The following CABCOCO1 variants were observed in gnomAD, a reference collection of about 807,000 sequenced individuals.
CABCOCO1 encodes ciliary-associated calcium-binding coiled-coil protein 1.
Under a neutral mutation model 35.7 loss-of-function variants are expected in CABCOCO1, and 28 were observed. That is an observed-to-expected ratio of 0.78 (90% confidence interval 0.58 to 1.07). CABCOCO1 has a LOEUF of 1.07. CABCOCO1 is among the 50% of genes least tolerant of loss of function. CABCOCO1 has a pLI of 0.00. For missense variants in CABCOCO1, 326 were observed against 309.2 expected (o/e 1.05, Z -0.41); for synonymous variants, 95 against 100.1 (o/e 0.95, Z 0.30).
intron 5 of CABCOCO1, among the ~76,000 whole-genome samples, chr10:61,716,794 T>C (rs1190245719): frequency 6.6e-6 from 1 of 152,162 alleles, no homozygotes; most frequent in Non-Finnish European, 1.5e-5. Flanking sequence ...GCCTTGCAAA[T>C]ATGAGATGCT....
At chr10:61,713,669 T>A (rs1840787721) in intron 5 of CABCOCO1, among the ~76,000 whole-genome samples, 1 of 152,224 alleles carries the variant, frequency 6.6e-6, no homozygotes, top group South Asian at 2.1e-4. Context: ...GCTCTTATTA[T>A]TTTGAGATAC....
intron 5 of CABCOCO1, among the ~76,000 whole-genome samples, chr10:61,691,373 C>T (rs202100650): frequency 6.6e-6 from 1 of 152,130 alleles, no homozygotes; most frequent in East Asian, 1.9e-4. Context: ...CATAGGACAG[C>T]AGTTCTACAA....
chr10:61,719,766 A>G (rs931663474), intron 5 of CABCOCO1, among the ~76,000 whole-genome samples: 1 of 151,940 alleles, frequency 6.6e-6, no homozygotes, highest in South Asian at 2.1e-4. Context: ...ACAGAAATAC[A>G]AAAAATTAGC....
In CABCOCO1 at chr10:61,755,643, T is replaced by A. The variant is rs141191652; in HGVS notation, c.553-4416T>A. 4.8e-4 allele frequency among the ~76,000 whole-genome samples: 73 copies of A among 152,168 alleles called. 1 individual carries two copies. The highest frequency in any genetic ancestry group is 3.6e-3 in the Admixed American group (55 of 15,252). ...GGAAAGTTGTAATCTCAACTGCATA[T>A]TTAATATCTCAAAAAATGTAATAAT... On this transcript the variant is annotated intron_variant, in intron 5 of 7. Transcript: ENST00000648843.
In CABCOCO1 at chr10:61,692,123, G is replaced by A. The variant is rs140655278; in HGVS notation, c.552+1502G>A. Among the ~76,000 whole-genome samples, 391 of 152,178 alleles carry A rather than the reference G, an allele frequency of 2.6e-3. 3 individuals are homozygous for A. Among genetic ancestry groups the A allele is most frequent in the African/African-American group, 8.9e-3 (369 of 41,542 alleles). ...ACACTCCCACCAACACTGTAAAAGCGTTCCTGTTTCTCCACATCCTCTCCA... is the reference window on the plus strand; with the variant it reads ...ACACTCCCACCAACACTGTAAAAGCATTCCTGTTTCTCCACATCCTCTCCA... On this transcript the variant is annotated intron_variant, in intron 5 of 7. Transcript: ENST00000648843.
In CABCOCO1 at chr10:61,680,695, T is replaced by TATATGTTATACATGTATAAC. The variant is rs1554821590; in HGVS notation, c.165-444_165-443insGTTATACATGTATAACATAT. Among the ~76,000 whole-genome samples, 161 of 49,236 alleles carry TATATGTTATACATGTATAAC rather than the reference T, an allele frequency of 3.3e-3. 3 individuals carry two copies. Among genetic ancestry groups the TATATGTTATACATGTATAAC allele is most frequent in the East Asian group, 0.026 (9 of 350 alleles). 32.3% of individuals were successfully genotyped at this position (49,236 alleles called of 152,430 possible). The stretch of plus-strand genomic sequence containing the variant: ...ACATATATGTTATACATGTATAACA[T>TATATGTTATACATGTATAAC]ATATATGTTATACATGTATAACATA... On this transcript the variant is annotated intron_variant, in intron 2 of 7. Coordinates refer to ENST00000648843, the MANE Select transcript of CABCOCO1 (RefSeq NM_001366906.2).
At chr10:61,722,253 T>G (rs1841040666) in intron 5 of CABCOCO1, among the ~76,000 whole-genome samples, 1 of 152,196 alleles carries the variant, frequency 6.6e-6, no homozygotes, top group South Asian at 2.1e-4. Context: ...AAAATAAACC[T>G]CAATAAATTC....
chr10:61,694,458 T>G (rs986617245), intron 5 of CABCOCO1, among the ~76,000 whole-genome samples: 1 of 151,650 alleles, frequency 6.6e-6, no homozygotes, highest in African/African-American at 2.4e-5. Flanking sequence ...TTGGGATAAT[T>G]GGCTATGTGT....
At chr10:61,747,215 A>G (rs1181904596) in intron 5 of CABCOCO1, among the ~76,000 whole-genome samples, 6 of 149,726 alleles carry the variant, frequency 4.0e-5, no homozygotes, top group Admixed American at 4.0e-4. Flanking sequence ...AACAAAATAC[A>G]CTGCAAGGAA....
At chr10:61,752,019 G>A (rs1440019232) in intron 5 of CABCOCO1, among the ~76,000 whole-genome samples, 1 of 152,136 alleles carries the variant, frequency 6.6e-6, no homozygotes, top group Non-Finnish European at 1.5e-5. Flanking sequence ...AACATGTATT[G>A]CTATGTACAC....
intron 5 of CABCOCO1, among the ~76,000 whole-genome samples, chr10:61,729,674 C>T (rs1324613350): frequency 1.3e-5 from 2 of 152,108 alleles, no homozygotes; most frequent in Non-Finnish European, 2.9e-5. Flanking sequence ...CCTGTGTTCA[C>T]CACAGCACTA....
At chr10:61,716,066 T>C (rs1840857222) in intron 5 of CABCOCO1, among the ~76,000 whole-genome samples, 1 of 152,158 alleles carries the variant, frequency 6.6e-6, no homozygotes, top group Non-Finnish European at 1.5e-5. Context: ...TAAAATATTT[T>C]CCACAAGCCA....
chr10:61,718,530 A>C (rs10994897), intron 5 of CABCOCO1, among the ~76,000 whole-genome samples: 32,967 of 152,124 alleles, frequency 0.22, 4,239 homozygotes, highest in East Asian at 0.55. Flanking sequence ...TTCTTTAAAT[A>C]TGAAGCAAAG....
rs1031576439 is a variant in CABCOCO1 at position 61,720,691 on chromosome 10, G to GC, written c.552+30070_552+30071insC. ...GAAAGAAACACTACATCATGTGGTGGGGGGGCAGGTAATGAGGACAAAACC... is the reference window on the plus strand; with the variant it reads ...GAAAGAAACACTACATCATGTGGTGGCGGGGGCAGGTAATGAGGACAAAACC... On this transcript the variant is annotated intron_variant, in intron 5 of 7. Coordinates refer to ENST00000648843, the MANE Select transcript of CABCOCO1 (RefSeq NM_001366906.2). Among the ~76,000 whole-genome samples, 3 of 151,698 alleles carry GC rather than the reference G, an allele frequency of 2.0e-5. No individual in the cohort carries two copies. The South Asian group carries it at 6.3e-4, about 32-fold the overall frequency.
intron 5 of CABCOCO1, 120 bp downstream of exon 5, chr10:61,690,741 A>G (rs1840112996): frequency 7.0e-6 from 4 of 571,766 alleles, no homozygotes; most frequent in Middle Eastern, 5.7e-4. Context: ...TGTTAATATA[A>G]TCAACTCGTA....
At chr10:61,675,744 G>C (rs1013887567) in intron 2 of CABCOCO1, among the ~76,000 whole-genome samples, 2 of 151,532 alleles carry the variant, frequency 1.3e-5, no homozygotes, top group African/African-American at 4.8e-5. Flanking sequence ...AAAAAAACAT[G>C]GTAAAATATA....
intron 5 of CABCOCO1, among the ~76,000 whole-genome samples, chr10:61,710,253 AGT>A (rs55784501): frequency 0.046 from 6,791 of 146,540 alleles, 187 homozygotes; most frequent in Middle Eastern, 0.078. Context: ...TGTGTGTGTG[AGT>A]GTGTGTGTGT....
intron 7 of CABCOCO1, among the ~76,000 whole-genome samples, chr10:61,764,928 C>T (rs902160661): frequency 6.6e-6 from 1 of 152,102 alleles, no homozygotes; most frequent in African/African-American, 2.4e-5. Context: ...GTTATAGTTA[C>T]ACTCTTGTAA....
At chr10:61,761,408 C>G (rs544187384) in intron 7 of CABCOCO1, among the ~76,000 whole-genome samples, 2 of 152,202 alleles carry the variant, frequency 1.3e-5, no homozygotes, top group Non-Finnish European at 2.9e-5. Flanking sequence ...GATCTTTGAA[C>G]TGCCTCTCAG....
Sources: allele counts gnomAD v4.1 joint callset (sites outside exome capture counted in the v4.1 genomes callset), GRCh38; gene constraint gnomAD v4.1.1; transcripts MANE v1.5; gene names NCBI Gene and HGNC (gene_info 2026-07-23, HGNC 2026-07-21).